INSR: variants seen among roughly 807,000 people sequenced by gnomAD.
INSR encodes the protein IR.
Under a neutral mutation model 142.6 loss-of-function variants are expected in INSR, and 67 were observed. The ratio of observed to expected loss-of-function variants is 0.47; its 90% CI spans 0.39 to 0.58. The LOEUF (loss-of-function observed/expected upper bound fraction) is 0.58. INSR is among the 20% of genes least tolerant of loss of function. The pLI, the probability that INSR is intolerant of heterozygous loss-of-function variation, is 0.00. For missense variants in INSR, 1,248 were observed against 1,833.2 expected (o/e 0.68, Z 5.83); for synonymous variants, 756 against 743.1 (o/e 1.02, Z -0.28).
chr19:7,228,888 G>A (rs1568203897), intron 2 of INSR, among the ~76,000 whole-genome samples: 1 of 152,154 alleles, frequency 6.6e-6, no homozygotes, highest in Non-Finnish European at 1.5e-5. Context: ...GTGGATGTAT[G>A]CATGGGTGGA....
At position 7,132,174 on chromosome 19, in the gene INSR, G is replaced by A; in HGVS notation, c.2826C>T (p.Phe942=). ...GNGSWTEPTY[F]YVTDYLDVPS... ...GAGACTTACAATAGTCTGTCACGTA[G>A]AAATAGGTGGGTTCCGTCCAAGAGC... The change falls in exon 14 of 22, where the codon TTC becomes TTT. Residue 942 remains phenylalanine, a synonymous_variant. Transcript: ENST00000302850. The A allele has an allele frequency of 3.1e-6, 5 of 1,614,142 alleles. No individual in the cohort carries two copies. The highest frequency in any genetic ancestry group is 4.2e-6 in the Non-Finnish European group (5 of 1,180,002).
chr19:7,230,392 C>G (rs755539509), intron 2 of INSR, among the ~76,000 whole-genome samples: 1 of 152,192 alleles, frequency 6.6e-6, no homozygotes, highest in East Asian at 1.9e-4. Flanking sequence ...TTCTGTCAGC[C>G]TCAACTTCTC....
Position 7,192,499 on chromosome 19 carries a change from C to T in INSR, c.653-7862G>A, listed in dbSNP as rs560483356. On this transcript the variant is annotated intron_variant, in intron 2 of 21. Transcript: ENST00000302850. This position sits in a 1 kb window ranked among gnomAD's most constrained non-coding sequence, Gnocchi z 4.2. ...CTCTCCCTGTGCCCCTGACCTGATC[C>T]CCCTCATTGACACGTAATGAGCCCA... is the stretch of plus-strand genomic sequence containing the variant. 1.3e-5 allele frequency among the ~76,000 whole-genome samples: 2 copies of T among 152,186 alleles called. No individual in the cohort carries two copies. Among genetic ancestry groups the T allele is most frequent in the East Asian group, 3.9e-4 (2 of 5,172 alleles).
Position 7,119,426 on chromosome 19 carries a change from C to T in INSR, c.3794+23G>A. The T allele has an allele frequency of 4.3e-6, 7 of 1,614,118 alleles. No homozygotes were observed. The highest frequency in any genetic ancestry group is 5.9e-6 in the Non-Finnish European group (7 of 1,179,990). On this transcript the variant is annotated intron_variant, in intron 21 of 21. Transcript: ENST00000302850. This position sits in a 1 kb window ranked among gnomAD's most constrained non-coding sequence, Gnocchi z 5.2. ...ACCCTTTCAACGAACACCTCACACA[C>T]CTTAAACCCTTTCTACACTTACACT...
chr19:7,198,899 TGG>T (rs57116223), intron 2 of INSR, among the ~76,000 whole-genome samples: 3,553 of 59,826 alleles, frequency 0.059, 55 homozygotes, highest in Non-Finnish European at 0.094. Context: ...ACACTTTTTT[TGG>T]GGGGGGGGTC....
intron 2 of INSR, among the ~76,000 whole-genome samples, chr19:7,253,330 C>A (rs1976792992): frequency 6.6e-6 from 1 of 152,020 alleles, no homozygotes; most frequent in Non-Finnish European, 1.5e-5. Context: ...CCTCCACCTC[C>A]CGGGTTCAAG....
intron 14 of INSR, among the ~76,000 whole-genome samples, chr19:7,129,679 C>T (rs1455609268): frequency 6.6e-6 from 1 of 152,124 alleles, no homozygotes; most frequent in Non-Finnish European, 1.5e-5. Flanking sequence ...TTCACTGGGT[C>T]TTGCAAATTA....
rs553488248 is a variant in INSR at position 7,192,734 on chromosome 19, G to T, written c.653-8097C>A. Among the ~76,000 whole-genome samples, 2 of 152,226 alleles carry T rather than the reference G, an allele frequency of 1.3e-5. No individual in the cohort carries two copies. Among genetic ancestry groups the T allele is most frequent in the East Asian group, 1.9e-4 (1 of 5,188 alleles). The stretch of plus-strand genomic sequence containing the variant: ...AAAAATGCAAGTTCTGTGTCCATCC[G>T]CTGTCTCCCCTTCAAAGCCACATTG... On this transcript the variant is annotated intron_variant, in intron 2 of 21. Transcript: ENST00000302850. The surrounding 1 kb of genome is among the most constrained non-coding windows in gnomAD (Gnocchi z 4.2).
chr19:7,158,810 G>C (rs1012223916), intron 9 of INSR, among the ~76,000 whole-genome samples: 4 of 152,098 alleles, frequency 2.6e-5, no homozygotes, highest in Admixed American at 2.6e-4. Context: ...ATATTAACAG[G>C]AAGGGTTTGT....
chr19:7,197,762 TGTGTGTGTGTGTGTGTGTGTCCCCAG>T (rs1974810262), intron 2 of INSR, among the ~76,000 whole-genome samples: 1 of 143,494 alleles, frequency 7.0e-6, no homozygotes, highest in African/African-American at 2.6e-5. Flanking sequence ...AGTGGGAGTG[TGTGTGTGTGTGTGTGTGTGTCCCCAG>T]GATTGGTCGG....
rs1363566771 is a variant in INSR, at chr19:7,168,442, T to C, written c.1484-348A>G. ...TGATGTTTGTCCTGACACAACGTTG[T>C]CTCGCATATGGACTTGTAAGACTGA... On this transcript the variant is annotated intron_variant, in intron 6 of 21. Coordinates refer to ENST00000302850, the MANE Select transcript of INSR (RefSeq NM_000208.4). This position sits in a 1 kb window ranked among gnomAD's most constrained non-coding sequence, Gnocchi z 4.3. Among the ~76,000 whole-genome samples the C allele has an allele frequency of 6.6e-6, 1 of 152,170 alleles. No individual in the cohort carries two copies. The highest frequency in any genetic ancestry group is 1.5e-5 in the Non-Finnish European group (1 of 68,034).
chr19:7,163,948 A>AAAAAAAAATATATATATATATATATATAT (rs1411048837), intron 8 of INSR, among the ~76,000 whole-genome samples: 1 of 136,030 alleles, frequency 7.4e-6, no homozygotes, highest in African/African-American at 3.2e-5. Flanking sequence ...AAAAAAAAAA[A>AAAAAAAAATATATATATATATATATATAT]ATTAGCTGGA....
chr19:7,179,828 C>G lies in INSR; in HGVS notation c.974+4488G>C, dbSNP rs73920306. On this transcript the variant is annotated intron_variant, in intron 3 of 21. Transcript: ENST00000302850. ...TTCCCAGTGGGAAATTATAAATGAC[C>G]ATGAGTTCTTTGCAGCCTCTCCCAC... Among the ~76,000 whole-genome samples, 620 of 152,300 alleles carry G rather than the reference C, an allele frequency of 4.1e-3. 4 individuals carry two copies. Among genetic ancestry groups the G allele is most frequent in the African/African-American group, 0.014 (588 of 41,562 alleles).
At position 7,150,901 on chromosome 19, in the gene INSR, T is replaced by C. The variant is rs1388369878; in HGVS notation, c.2232-369A>G. On this transcript the variant is annotated intron_variant, in intron 10 of 21. Transcript: ENST00000302850. The surrounding 1 kb of genome is among the most constrained non-coding windows in gnomAD (Gnocchi z 4.2). The stretch of plus-strand genomic sequence containing the variant: ...CTCTCTCTCTTTCTGGTTTCTTTCC[T>C]CTTTCTCCTTTTCTTTTCTCTTTCT... 6.6e-6 allele frequency among the ~76,000 whole-genome samples: 1 copy of C among 152,110 alleles called. No individual in the cohort carries two copies. Among genetic ancestry groups the C allele is most frequent in the Non-Finnish European group, 1.5e-5 (1 of 68,028 alleles).
intron 2 of INSR, among the ~76,000 whole-genome samples, chr19:7,190,818 T>C (rs1974561795): frequency 6.6e-6 from 1 of 152,140 alleles, no homozygotes; most frequent in Non-Finnish European, 1.5e-5. Context: ...TAATAAGTAA[T>C]AGTGCACTGG....
intron 2 of INSR, among the ~76,000 whole-genome samples, chr19:7,244,534 A>AAAAAAAAAAAAG (rs1280505296): frequency 2.6e-5 from 4 of 152,136 alleles, no homozygotes; most frequent in African/African-American, 9.7e-5. Flanking sequence ...CTCTGTCTCA[A>AAAAAAAAAAAAG]AAAGAAAAAA....
At chr19:7,212,595 G>T (rs774563315) in intron 2 of INSR, among the ~76,000 whole-genome samples, 32 of 151,900 alleles carry the variant, frequency 2.1e-4, no homozygotes, top group Non-Finnish European at 1.5e-4. Flanking sequence ...TTATTTTTGG[G>T]TTTTTTTGAG....
chr19:7,176,745 G>A (rs536532853), intron 3 of INSR, among the ~76,000 whole-genome samples: 45 of 152,220 alleles, frequency 3.0e-4, no homozygotes, highest in African/African-American at 9.6e-4. Flanking sequence ...TATGCTTCCC[G>A]TACAGCCTGC....
intron 2 of INSR, among the ~76,000 whole-genome samples, chr19:7,235,382 C>G (rs1418585604): frequency 3.9e-5 from 6 of 152,088 alleles, no homozygotes; most frequent in African/African-American, 1.2e-4. Context: ...AATTATCGCT[C>G]TCAACTCTCT....
Sources: gnomAD v4.1 joint callset for allele counts (sites outside exome capture counted in the v4.1 genomes callset) on GRCh38, gnomAD v4.1.1 for gene constraint, Gnocchi (gnomAD v3.1) non-coding constraint, MANE v1.5 for transcripts, NCBI Gene and HGNC (gene_info 2026-07-23, HGNC 2026-07-21) for gene names.